ENTREP2: variants seen among roughly 807,000 people sequenced by gnomAD.
ENTREP2 encodes the protein protein ENTREP2.
the ENTREP2 span, among the ~76,000 whole-genome samples, chr15:29,125,630 A>C: frequency 6.6e-6 from 1 of 152,306 alleles, no homozygotes; most frequent in African/African-American, 2.4e-5. Flanking sequence ...ACCAATCTTT[A>C]TTGGCAGAAA....
the ENTREP2 span, among the ~76,000 whole-genome samples, chr15:29,324,438 T>C: frequency 6.6e-6 from 1 of 151,986 alleles, no homozygotes; most frequent in Non-Finnish European, 1.5e-5. Context: ...TTAAAGTAAA[T>C]AACCTAAATA....
chr15:29,615,910 G>A, the ENTREP2 span, among the ~76,000 whole-genome samples: 4 of 152,172 alleles, frequency 2.6e-5, no homozygotes, highest in African/African-American at 7.2e-5. Flanking sequence ...TTTGTTAAGA[G>A]CCTAGAAGCT....
the ENTREP2 span, among the ~76,000 whole-genome samples, chr15:29,587,384 G>T: frequency 6.6e-6 from 1 of 151,754 alleles, no homozygotes; most frequent in South Asian, 2.1e-4. Context: ...GATGACAAAA[G>T]GGTTCAGGAG....
the ENTREP2 span, among the ~76,000 whole-genome samples, chr15:29,642,979 A>G: frequency 1.3e-4 from 20 of 151,992 alleles, no homozygotes; most frequent in African/African-American, 4.4e-4. Context: ...ATTAAATTGA[A>G]CCCCTACCTC....
At chr15:29,326,651 T>C in the ENTREP2 span, among the ~76,000 whole-genome samples, 3 of 152,272 alleles carry the variant, frequency 2.0e-5, no homozygotes, top group African/African-American at 7.2e-5. Flanking sequence ...CAACTAGATC[T>C]ATAAATCCAA....
chr15:29,174,561 C>A, the ENTREP2 span, among the ~76,000 whole-genome samples: 1 of 152,180 alleles, frequency 6.6e-6, no homozygotes, highest in African/African-American at 2.4e-5. Context: ...TGGTGGCGGG[C>A]GCCTGTATTC....
chr15:29,482,640 A>C, the ENTREP2 span, among the ~76,000 whole-genome samples: 1 of 152,194 alleles, frequency 6.6e-6, no homozygotes, highest in Non-Finnish European at 1.5e-5. Context: ...ATATTAATTT[A>C]AAGTTCCAGA....
chr15:29,361,505 T>G, the ENTREP2 span, among the ~76,000 whole-genome samples: 1 of 152,238 alleles, frequency 6.6e-6, no homozygotes, highest in Non-Finnish European at 1.5e-5. Flanking sequence ...CAACTTTATG[T>G]ATCTTTAACA....
At chr15:29,382,842 C>T in the ENTREP2 span, among the ~76,000 whole-genome samples, 1 of 152,118 alleles carries the variant, frequency 6.6e-6, no homozygotes, top group East Asian at 1.9e-4. Context: ...CACTTCCCAC[C>T]CACTACCATC....
chr15:29,495,252 C>T, the ENTREP2 span, among the ~76,000 whole-genome samples: 1 of 152,178 alleles, frequency 6.6e-6, no homozygotes, highest in Non-Finnish European at 1.5e-5. Flanking sequence ...TGGGAGATCA[C>T]ATCTCATTGT....
At chr15:29,436,744 T>C in the ENTREP2 span, among the ~76,000 whole-genome samples, 17,181 of 152,280 alleles carry the variant, frequency 0.11, 1,126 homozygotes, top group East Asian at 0.31. Context: ...GGAACACTGA[T>C]GCCAATGCTG....
the ENTREP2 span, among the ~76,000 whole-genome samples, chr15:29,385,232 C>T: frequency 2.6e-5 from 4 of 152,174 alleles, no homozygotes; most frequent in East Asian, 1.9e-4. Flanking sequence ...ACTTCCAAAT[C>T]GTAGCCACTA....
chr15:29,207,455 C>CGG, the ENTREP2 span, among the ~76,000 whole-genome samples: 38 of 123,088 alleles, frequency 3.1e-4, 1 homozygote, highest in South Asian at 8.2e-4. Context: ...GGTTGGGGGG[C>CGG]GGGGGGGGTG....
chr15:29,481,986 C>CT, the ENTREP2 span, among the ~76,000 whole-genome samples: 2 of 151,804 alleles, frequency 1.3e-5, no homozygotes, highest in Non-Finnish European at 2.9e-5. Flanking sequence ...TGGTGTATTT[C>CT]TTTTTCTTTT....
At chr15:29,347,381 G>A in the ENTREP2 span, among the ~76,000 whole-genome samples, 1 of 151,480 alleles carries the variant, frequency 6.6e-6, no homozygotes, top group South Asian at 2.1e-4. Context: ...TGTTGCCCAG[G>A]CTGGTCTCCA....
chr15:29,524,460 G>A, the ENTREP2 span, among the ~76,000 whole-genome samples: 1 of 152,152 alleles, frequency 6.6e-6, no homozygotes, highest in African/African-American at 2.4e-5. Context: ...CCAAGATGTG[G>A]CAGACCACTC....
chr15:29,514,653 C>T, the ENTREP2 span, among the ~76,000 whole-genome samples: 2 of 152,196 alleles, frequency 1.3e-5, no homozygotes, highest in Admixed American at 1.3e-4. Context: ...GAAATTCCCA[C>T]TTTAGTCTAT....
the ENTREP2 span, among the ~76,000 whole-genome samples, chr15:29,466,446 G>A: frequency 2.0e-5 from 3 of 146,666 alleles, no homozygotes; most frequent in African/African-American, 7.6e-5. Context: ...CCAGGGGAGG[G>A]CCCAGGTGAG....
At chr15:29,262,510 C>T in the ENTREP2 span, among the ~76,000 whole-genome samples, 1 of 152,308 alleles carries the variant, frequency 6.6e-6, no homozygotes, top group East Asian at 1.9e-4. Context: ...TCCATAAAAA[C>T]CCAAAAGGAC....
Sources: allele counts gnomAD v4.1 joint callset (sites outside exome capture counted in the v4.1 genomes callset), GRCh38; gene constraint gnomAD v4.1.1; transcripts MANE v1.5; gene names NCBI Gene and HGNC (gene_info 2026-07-23, HGNC 2026-07-21).